Variants in MEI4 observed in about 807,000 individuals in gnomAD.
MEI4 encodes the protein meiosis-specific protein MEI4.
Under a neutral mutation model 31.4 loss-of-function variants are expected in MEI4, and 27 were observed. The observed-to-expected ratio is 0.86, with a 90% CI of 0.63 to 1.19. The LOEUF is 1.19. Among genes scored for constraint, MEI4 ranks in the 50% most tolerant of loss-of-function variants. The probability of loss-of-function intolerance (pLI) is 0.00; values close to 1 mark genes in which losing one functional copy is unlikely to be tolerated. For synonymous variants in MEI4, 122 were observed against 145.4 expected (o/e 0.84, Z 1.16); for missense variants, 329 against 398.9 (o/e 0.82, Z 1.49).
chr6:77,918,810 A>G (rs1766629679), intron 4 of MEI4, among the ~76,000 whole-genome samples: 1 of 151,948 alleles, frequency 6.6e-6, no homozygotes, highest in Non-Finnish European at 1.5e-5. Flanking sequence ...ACTATGTTGA[A>G]TAGGAGTGGT....
intron 4 of MEI4, among the ~76,000 whole-genome samples, chr6:77,845,201 T>G (rs894017757): frequency 5.3e-5 from 8 of 152,216 alleles, no homozygotes; most frequent in African/African-American, 1.9e-4. Context: ...AAACCCAAGA[T>G]GCTGGGCAGG....
At chr6:77,707,280 C>T (rs534825052) in intron 2 of MEI4, among the ~76,000 whole-genome samples, 11 of 152,194 alleles carry the variant, frequency 7.2e-5, no homozygotes, top group Non-Finnish European at 8.8e-5. Context: ...TCATGCCCTA[C>T]GGATCTGTGG....
chr6:77,783,239 C>G lies in MEI4; in HGVS notation c.768+21574C>G, dbSNP rs962210431. On this transcript the variant is annotated intron_variant, in intron 3 of 4. Transcript: ENST00000684080. ...AGTCAATTGGATGAATCCTGGGATG[C>G]AGGTGAGCATATATATGGCAATATC... is the stretch of plus-strand genomic sequence containing the variant. Among the ~76,000 whole-genome samples, 6 of 152,140 alleles carry G rather than the reference C, an allele frequency of 3.9e-5. No homozygotes were observed. The South Asian group carries it at 6.2e-4, about 16-fold the overall frequency.
intron 4 of MEI4, among the ~76,000 whole-genome samples, chr6:77,870,069 G>T (rs1434433407): frequency 2.6e-5 from 4 of 151,974 alleles, no homozygotes; most frequent in African/African-American, 9.7e-5. Flanking sequence ...AGAGGAAAGG[G>T]GGCAAGTACT....
rs774400996 is a variant in MEI4 at position 77,785,730 on chromosome 6, G to A, written c.768+24065G>A. The stretch of plus-strand genomic sequence containing the variant: ...TGGAGATGAGTAGAGATTTCAGTTT[G>A]CTTTTCTTCGTTAGAGAGCTTTTGG... On this transcript the variant is annotated intron_variant, in intron 3 of 4. Coordinates refer to ENST00000684080, the MANE Select transcript of MEI4 (RefSeq NM_001322247.2). 2.0e-5 allele frequency among the ~76,000 whole-genome samples: 3 copies of A among 152,072 alleles called. No individual in the cohort carries two copies. The South Asian group carries it at 6.2e-4, about 32-fold the overall frequency.
At chr6:77,841,328 TATATA>T (rs1286030121) in intron 4 of MEI4, among the ~76,000 whole-genome samples, 84 of 70,172 alleles carry the variant, frequency 1.2e-3, no homozygotes, top group Non-Finnish European at 1.8e-3. Flanking sequence ...TATATATATA[TATATA>T]TTTTTTTTTT....
At chr6:77,803,346 C>A (rs1222073583) in intron 3 of MEI4, among the ~76,000 whole-genome samples, 2 of 152,122 alleles carry the variant, frequency 1.3e-5, no homozygotes, top group Non-Finnish European at 2.9e-5. Flanking sequence ...GACTTCTCTG[C>A]ATTGGTTATT....
At chr6:77,745,319 C>G (rs1304154556) in intron 2 of MEI4, among the ~76,000 whole-genome samples, 1 of 152,098 alleles carries the variant, frequency 6.6e-6, no homozygotes. Context: ...GGGTTGCAAT[C>G]CTAGTCTCTG....
At chr6:77,744,215 CT>C (rs1767512665) in intron 2 of MEI4, among the ~76,000 whole-genome samples, 2 of 152,122 alleles carry the variant, frequency 1.3e-5, no homozygotes, top group South Asian at 4.2e-4. Flanking sequence ...AAGTTAAAAG[CT>C]TTGAAAAAAA....
intron 3 of MEI4, among the ~76,000 whole-genome samples, chr6:77,807,200 T>A (rs747483562): frequency 6.6e-6 from 1 of 151,910 alleles, no homozygotes; most frequent in Non-Finnish European, 1.5e-5. Context: ...ATTACAAATT[T>A]ATTAGGAAGT....
intron 2 of MEI4, among the ~76,000 whole-genome samples, chr6:77,718,261 AT>A (rs1225713971): frequency 8.5e-6 from 1 of 117,812 alleles, no homozygotes; most frequent in Non-Finnish European, 1.8e-5. Flanking sequence ...GCTCAGACTC[AT>A]TATAAATTTG....
At chr6:77,729,709 T>A (rs1054509576) in intron 2 of MEI4, among the ~76,000 whole-genome samples, 1 of 152,280 alleles carries the variant, frequency 6.6e-6, no homozygotes, top group Non-Finnish European at 1.5e-5. Flanking sequence ...AGAACAGATA[T>A]GAGAATCCCC....
chr6:77,758,784 G>T (rs1436172923), intron 2 of MEI4, among the ~76,000 whole-genome samples: 7 of 152,090 alleles, frequency 4.6e-5, no homozygotes, highest in Non-Finnish European at 1.0e-4. Flanking sequence ...CTTATCCATT[G>T]TGTTTTTTTA....
chr6:77,782,202 A>T (rs1242555176), intron 3 of MEI4, among the ~76,000 whole-genome samples: 1 of 152,034 alleles, frequency 6.6e-6, no homozygotes, highest in African/African-American at 2.4e-5. Context: ...GTTAGTTAGG[A>T]TTAAGGGAGG....
chr6:77,923,427 T>C lies in MEI4; in HGVS notation c.*81T>C. The C allele has an allele frequency of 3.7e-6, 4 of 1,068,224 alleles. No homozygotes were observed. The highest frequency in any genetic ancestry group is 3.6e-6 in the Non-Finnish European group (3 of 840,308). The allele number at this position is 1,068,224 out of a possible 1,614,324, so 66.2% of individuals were successfully genotyped here. ...AATCTCATACTGAAAAGATTTTCAATAGTATTTTAATTAGCATTTTAGAAT... is the reference window on the plus strand; with the variant it reads ...AATCTCATACTGAAAAGATTTTCAACAGTATTTTAATTAGCATTTTAGAAT... On this transcript the variant is annotated 3_prime_UTR_variant, in exon 5 of 5. Coordinates refer to ENST00000684080, the MANE Select transcript of MEI4 (RefSeq NM_001322247.2).
intron 4 of MEI4, among the ~76,000 whole-genome samples, chr6:77,885,310 C>A (rs949481725): frequency 2.0e-5 from 3 of 151,846 alleles, no homozygotes; most frequent in Non-Finnish European, 4.4e-5. Flanking sequence ...TTTGGCCTCC[C>A]AGGTAGTTGG....
chr6:77,904,017 G>GT (rs1766240913), intron 4 of MEI4, among the ~76,000 whole-genome samples: 1 of 152,124 alleles, frequency 6.6e-6, no homozygotes, highest in South Asian at 2.1e-4. Flanking sequence ...GCCACTCAAT[G>GT]TTTTTGGATT....
At chr6:77,816,887 T>C (rs369490382) in intron 3 of MEI4, among the ~76,000 whole-genome samples, 1 of 152,306 alleles carries the variant, frequency 6.6e-6, no homozygotes, top group African/African-American at 2.4e-5. Context: ...ATATAAATAT[T>C]CTTTAGTAAC....
intron 3 of MEI4, among the ~76,000 whole-genome samples, chr6:77,791,450 A>C (rs1582147402): frequency 6.8e-6 from 1 of 147,648 alleles, no homozygotes; most frequent in Admixed American, 6.9e-5. Context: ...CAAACACTGC[A>C]TATTCTCACT....
Sources: gnomAD v4.1 joint callset for allele counts (sites outside exome capture counted in the v4.1 genomes callset) on GRCh38, gnomAD v4.1.1 for gene constraint, MANE v1.5 for transcripts, NCBI Gene and HGNC (gene_info 2026-07-23, HGNC 2026-07-21) for gene names.